CMTM5: variants seen among roughly 807,000 people sequenced by gnomAD.
The protein encoded by CMTM5 is CKLF like MARVEL transmembrane domain containing 5, also known as CKLF-like MARVEL transmembrane domain-containing protein 5.
A neutral mutation model predicts 26.9 loss-of-function variants in CMTM5; 25 were observed. The observed-to-expected ratio is 0.93, with a 90% CI of 0.68 to 1.30. CMTM5 has a LOEUF of 1.30. Ranked by LOEUF, CMTM5 falls within the 50% of genes most tolerant of loss-of-function variation. The pLI, the probability that CMTM5 is intolerant of heterozygous loss-of-function variation, is 0.00. For synonymous variants in CMTM5, 98 were observed against 115.5 expected (o/e 0.85, Z 0.97); for missense variants, 292 against 289.6 (o/e 1.01, Z -0.06).
In CMTM5 at chr14:23,379,618, G is replaced by C; in HGVS notation, c.*131G>C. The C allele has an allele frequency of 6.6e-7, 1 of 1,509,510 alleles. No individual in the cohort carries two copies. Among genetic ancestry groups the C allele is most frequent in the South Asian group, 1.2e-5 (1 of 81,408 alleles). 93.5% of individuals were successfully genotyped at this position (1,509,510 alleles called of 1,614,324 possible). On this transcript the variant is annotated 3_prime_UTR_variant, in exon 6 of 6. Transcript: ENST00000339180. The stretch of plus-strand genomic sequence containing the variant: ...AGCCCTACACAGCAGTCTGGCCTGA[G>C]ACGTCACTGGGGACTTATCTGTGGA...
At position 23,377,396 on chromosome 14, in the gene CMTM5, C is replaced by T; in HGVS notation, c.126+19C>T. The T allele has an allele frequency of 1.3e-6, 2 of 1,550,642 alleles. No individual in the cohort carries two copies. The highest frequency in any genetic ancestry group is 8.7e-7 in the Non-Finnish European group (1 of 1,147,268). ...CGAGCTGGTAACAGCTGCCTCCCAACCTGGTGCCTCCATCTCCCTGACCCC... is the reference window on the plus strand; with the variant it reads ...CGAGCTGGTAACAGCTGCCTCCCAATCTGGTGCCTCCATCTCCCTGACCCC... On this transcript the variant is annotated intron_variant, in intron 1 of 5. Transcript: ENST00000339180. This position sits in a 1 kb window ranked among gnomAD's most constrained non-coding sequence, Gnocchi z 4.6.
chr14:23,377,173 G>C lies in CMTM5; in HGVS notation c.-79G>C. On this transcript the variant is annotated 5_prime_UTR_variant, in exon 1 of 6. Transcript: ENST00000339180. This position sits in a 1 kb window ranked among gnomAD's most constrained non-coding sequence, Gnocchi z 4.6. ...TCGAAGTGCCTTCTTGCTCCTGTCT[G>C]TTTCCCCATCCTGCCAGATTTCTGT... is the stretch of plus-strand genomic sequence containing the variant. 1 of 1,571,028 alleles carries C rather than the reference G, an allele frequency of 6.4e-7. No homozygotes were observed. Among genetic ancestry groups the C allele is most frequent in the Non-Finnish European group, 8.6e-7 (1 of 1,158,696 alleles).
In CMTM5 at chr14:23,378,900, T is replaced by C; in HGVS notation, c.480+31T>C. ...CGCTCTGTCTCTTGAATGTGCTTCA[T>C]ATTGTGTGAGGGGTATCCTATGGAG... On this transcript the variant is annotated intron_variant, in intron 3 of 5. Coordinates refer to ENST00000339180, the MANE Select transcript of CMTM5 (RefSeq NM_001288746.2). This position sits in a 1 kb window ranked among gnomAD's most constrained non-coding sequence, Gnocchi z 4.2. The C allele has an allele frequency of 6.2e-7, 1 of 1,611,232 alleles. No homozygotes were observed. The highest frequency in any genetic ancestry group is 8.5e-7 in the Non-Finnish European group (1 of 1,178,322).
At position 23,377,233 on chromosome 14, in the gene CMTM5, G is replaced by T; in HGVS notation, c.-19G>T. On this transcript the variant is annotated 5_prime_UTR_variant, in exon 1 of 6. Transcript: ENST00000339180. The surrounding 1 kb of genome is among the most constrained non-coding windows in gnomAD (Gnocchi z 4.6). ...TGGGCTTTTGGCAGTAGGGGGCTGT[G>T]TTGGTGGGCCCTACGAAGATGCTCA... is the stretch of plus-strand genomic sequence containing the variant. 1 of 1,610,248 alleles carries T rather than the reference G, an allele frequency of 6.2e-7. No individual in the cohort carries two copies.
chr14:23,378,488 A>C lies in CMTM5; in HGVS notation c.266A>C (p.Asn89Thr), dbSNP rs145315360. The C allele has an allele frequency of 2.0e-5, 32 of 1,613,938 alleles. No individual in the cohort carries two copies. Among genetic ancestry groups the C allele is most frequent in the Non-Finnish European group, 1.7e-6 (2 of 1,180,006 alleles). The change falls in exon 2 of 6, where the codon AAC (asparagine) becomes ACC (threonine). Residue 89 changes from asparagine to threonine, a missense_variant. Transcript: ENST00000339180. This position sits in a 1 kb window ranked among gnomAD's most constrained non-coding sequence, Gnocchi z 4.2. ...TQYYQRFDRINWPCLLQGHGQ... is the reference protein window; with the variant it reads ...TQYYQRFDRITWPCLLQGHGQ... ...TACTACCAGCGCTTCGACCGAATTAACTGGCCCTGTCTGGTGAGGAACCCT... is the reference window on the plus strand; with the variant it reads ...TACTACCAGCGCTTCGACCGAATTACCTGGCCCTGTCTGGTGAGGAACCCT...
At chr14:23,379,258 C>A in intron 4 of CMTM5, 41 bp from the exon 5 acceptor site, 1 of 1,612,732 alleles carries the variant, frequency 6.2e-7, no homozygotes, top group Non-Finnish European at 8.5e-7. Flanking sequence ...CCCAATGGCC[C>A]TATAGCCTCT....
rs1467281134 is a variant in CMTM5 at position 23,379,462 on chromosome 14, C to G, written c.659-12C>G. 9.9e-6 allele frequency: 16 copies of G among 1,614,082 alleles called. No homozygotes were observed. The highest frequency in any genetic ancestry group is 8.9e-5 in the East Asian group (4 of 44,882). The stretch of plus-strand genomic sequence containing the variant: ...TCCTGATGTGGGTCCCTACCTGGCT[C>G]TATCCTCACAGGGGACCAGCAGTGA... On this transcript the variant is annotated splice_polypyrimidine_tract_variant and intron_variant, in intron 5 of 5. Coordinates refer to ENST00000339180, the MANE Select transcript of CMTM5 (RefSeq NM_001288746.2).
chr14:23,378,374 G>C lies in CMTM5; in HGVS notation c.152G>C (p.Cys51Ser). ...GCCCTGACCCTCATCATCTTCATCTGCTTCACGGCCTCCATCTCTGCCTAC... is the reference window on the plus strand; with the variant it reads ...GCCCTGACCCTCATCATCTTCATCTCCTTCACGGCCTCCATCTCTGCCTAC... ...ELALTLIIFI[C>S]FTASISAYMA... The change falls in exon 2 of 6, where the codon TGC becomes TCC. Residue 51 changes from cysteine (C) to serine (S), a missense_variant. Cys to Ser is a moderately radical substitution (Grantham distance 112, BLOSUM62 -1). Transcript: ENST00000339180. This position sits in a 1 kb window ranked among gnomAD's most constrained non-coding sequence, Gnocchi z 4.2. 6.2e-7 allele frequency: 1 copy of C among 1,614,058 alleles called. No individual in the cohort carries two copies. The highest frequency in any genetic ancestry group is 8.5e-7 in the Non-Finnish European group (1 of 1,179,988).
Position 23,377,505 on chromosome 14 carries a change from C to G in CMTM5, c.126+128C>G. On this transcript the variant is annotated intron_variant, in intron 1 of 5. Coordinates refer to ENST00000339180, the MANE Select transcript of CMTM5 (RefSeq NM_001288746.2). The surrounding 1 kb of genome is among the most constrained non-coding windows in gnomAD (Gnocchi z 4.6). ...AAGCCCTCTGGACACCTCTCCTGCC[C>G]GCAGCTGCCCCTTCTTCGTCTCCTA... 9.7e-7 allele frequency: 1 copy of G among 1,035,410 alleles called. No homozygotes were observed. 64.1% of individuals were successfully genotyped at this position (1,035,410 alleles called of 1,614,324 possible).
chr14:23,378,302 C>T lies in CMTM5; in HGVS notation c.127-47C>T. 3.7e-6 allele frequency: 6 copies of T among 1,605,590 alleles called. No individual in the cohort carries two copies. The South Asian group carries it at 6.7e-5, about 18-fold the overall frequency. ...GGAGGGGAAGGCAAAGCCCTGGCCCCTGCCTGTGTCCCCTTCTTGGCATGT... is the reference window on the plus strand; with the variant it reads ...GGAGGGGAAGGCAAAGCCCTGGCCCTTGCCTGTGTCCCCTTCTTGGCATGT... On this transcript the variant is annotated intron_variant, in intron 1 of 5. Transcript: ENST00000339180. The surrounding 1 kb of genome is among the most constrained non-coding windows in gnomAD (Gnocchi z 4.2).
At position 23,379,521 on chromosome 14, in the gene CMTM5, C is replaced by T. The variant is rs1890775357; in HGVS notation, c.*34C>T. 6.2e-7 allele frequency: 1 copy of T among 1,612,438 alleles called. No individual in the cohort carries two copies. Among genetic ancestry groups the T allele is most frequent in the African/African-American group, 1.3e-5 (1 of 74,982 alleles). ...CTACCTGGCTCCTAGGCCCAGCCAG[C>T]CAGAGAGGACAGTGGAGCCCAGACA... is the stretch of plus-strand genomic sequence containing the variant. On this transcript the variant is annotated 3_prime_UTR_variant, in exon 6 of 6. Coordinates refer to ENST00000339180, the MANE Select transcript of CMTM5 (RefSeq NM_001288746.2).
rs770228425 is a variant in CMTM5, at chr14:23,378,640, G to T, written c.280-29G>T. On this transcript the variant is annotated intron_variant, in intron 2 of 5. Coordinates refer to ENST00000339180, the MANE Select transcript of CMTM5 (RefSeq NM_001288746.2). The surrounding 1 kb of genome is among the most constrained non-coding windows in gnomAD (Gnocchi z 4.2). Reference sequence around the variant, plus strand: ...CCCATGCTATGCCCTGCACTCAAAGGTGTGCTTTGACTCACACTGATTTCA... The same window carrying T: ...CCCATGCTATGCCCTGCACTCAAAGTTGTGCTTTGACTCACACTGATTTCA... 2 of 1,610,558 alleles carry T rather than the reference G, an allele frequency of 1.2e-6. No homozygotes were observed. Among genetic ancestry groups the T allele is most frequent in the Non-Finnish European group, 1.7e-6 (2 of 1,177,184 alleles).
At position 23,377,565 on chromosome 14, in the gene CMTM5, T is replaced by TTTACAGCAGGTTTCAG; in HGVS notation, c.126+191_126+206dup. 4 of 580,476 alleles carry TTTACAGCAGGTTTCAG rather than the reference T, an allele frequency of 6.9e-6. No homozygotes were observed. The highest frequency in any genetic ancestry group is 1.1e-5 in the Non-Finnish European group (4 of 357,654). 36.0% of individuals were successfully genotyped at this position (580,476 alleles called of 1,614,324 possible). A position where few individuals can be genotyped will look rare whatever the true frequency, so the allele number is the denominator to read the frequency against. ...CTTGCTGCCTCTCCACCCGGAGACA[T>TTTACAGCAGGTTTCAG]TTACAGCAGGTTTCAGTTGCAGCAG... On this transcript the variant is annotated intron_variant, in intron 1 of 5. Transcript: ENST00000339180. The surrounding 1 kb of genome is among the most constrained non-coding windows in gnomAD (Gnocchi z 4.6).
Position 23,377,730 on chromosome 14 carries a change from C to T in CMTM5, c.126+353C>T, listed in dbSNP as rs1228555500. On this transcript the variant is annotated intron_variant, in intron 1 of 5. Coordinates refer to ENST00000339180, the MANE Select transcript of CMTM5 (RefSeq NM_001288746.2). The surrounding 1 kb of genome is among the most constrained non-coding windows in gnomAD (Gnocchi z 4.6). ...AAGTCTAACTATCAAAAAGGGCAGA[C>T]TTCCTGCAACTGCACTTTATCTGTG... is the stretch of plus-strand genomic sequence containing the variant. The T allele has an allele frequency of 1.3e-5, 3 of 233,464 alleles. No individual in the cohort carries two copies. The highest frequency in any genetic ancestry group is 9.3e-5 in the East Asian group (1 of 10,800). 14.5% of individuals were successfully genotyped at this position (233,464 alleles called of 1,614,324 possible). A position where few individuals can be genotyped will look rare whatever the true frequency, so the allele number is the denominator to read the frequency against.
In CMTM5 at chr14:23,378,312, C is replaced by G; in HGVS notation, c.127-37C>G. The G allele has an allele frequency of 1.9e-6, 3 of 1,610,702 alleles. No individual in the cohort carries two copies. In the South Asian group the frequency reaches 3.3e-5, roughly 18 times the overall value. On this transcript the variant is annotated intron_variant, in intron 1 of 5. Transcript: ENST00000339180. The surrounding 1 kb of genome is among the most constrained non-coding windows in gnomAD (Gnocchi z 4.2). ...GCAAAGCCCTGGCCCCTGCCTGTGTCCCCTTCTTGGCATGTTCCACATGCT... is the reference window on the plus strand; with the variant it reads ...GCAAAGCCCTGGCCCCTGCCTGTGTGCCCTTCTTGGCATGTTCCACATGCT...
Position 23,377,244 on chromosome 14 carries a change from C to T in CMTM5, c.-8C>T, listed in dbSNP as rs530717079. On this transcript the variant is annotated 5_prime_UTR_variant, in exon 1 of 6. Coordinates refer to ENST00000339180, the MANE Select transcript of CMTM5 (RefSeq NM_001288746.2). This position sits in a 1 kb window ranked among gnomAD's most constrained non-coding sequence, Gnocchi z 4.6. ...CAGTAGGGGGCTGTGTTGGTGGGCCCTACGAAGATGCTCAGTGCTCGAGAT... is the reference window on the plus strand; with the variant it reads ...CAGTAGGGGGCTGTGTTGGTGGGCCTTACGAAGATGCTCAGTGCTCGAGAT... 33 of 1,611,504 alleles carry T rather than the reference C, an allele frequency of 2.0e-5. No individual in the cohort carries two copies. In the South Asian group the frequency reaches 3.3e-4, roughly 16 times the overall value.
rs559772511 is a variant in CMTM5, at chr14:23,378,116, G to C, written c.127-233G>C. The C allele has an allele frequency of 1.7e-6, 1 of 581,916 alleles. No homozygotes were observed. The highest frequency in any genetic ancestry group is 1.9e-5 in the African/African-American group (1 of 53,476). The allele number at this position is 581,916 out of a possible 1,614,324, so 36.0% of individuals were successfully genotyped here. Reference sequence around the variant, plus strand: ...GGGAGCCATATGGCTTGGCCAGACTGCTGGGGTTGCTGGGTGAGCAGAGTG... The same window carrying C: ...GGGAGCCATATGGCTTGGCCAGACTCCTGGGGTTGCTGGGTGAGCAGAGTG... On this transcript the variant is annotated intron_variant, in intron 1 of 5. Coordinates refer to ENST00000339180, the MANE Select transcript of CMTM5 (RefSeq NM_001288746.2). The surrounding 1 kb of genome is among the most constrained non-coding windows in gnomAD (Gnocchi z 4.2).
chr14:23,379,683 C>T lies in CMTM5; in HGVS notation c.*196C>T. 2 of 1,388,142 alleles carry T rather than the reference C, an allele frequency of 1.4e-6. No homozygotes were observed. The highest frequency in any genetic ancestry group is 1.9e-6 in the Non-Finnish European group (2 of 1,053,270). 86.0% of individuals were successfully genotyped at this position (1,388,142 alleles called of 1,614,324 possible). A position where few individuals can be genotyped will look rare whatever the true frequency, so the allele number is the denominator to read the frequency against. On this transcript the variant is annotated 3_prime_UTR_variant, in exon 6 of 6. Transcript: ENST00000339180. The stretch of plus-strand genomic sequence containing the variant: ...GATGTGGCTTCTCATGAAGCTCTGG[C>T]CAGAGGAGGGGAACTTATTGGGGGA...
In CMTM5 at chr14:23,379,596, C is replaced by A; in HGVS notation, c.*109C>A. The stretch of plus-strand genomic sequence containing the variant: ...CCAGCCCGCCAAACCCCACCCCAGC[C>A]CTACACAGCAGTCTGGCCTGAGACG... On this transcript the variant is annotated 3_prime_UTR_variant, in exon 6 of 6. Transcript: ENST00000339180. 6 of 1,554,956 alleles carry A rather than the reference C, an allele frequency of 3.9e-6. No homozygotes were observed. Among genetic ancestry groups the A allele is most frequent in the South Asian group, 3.5e-5 (3 of 85,692 alleles).
Sources: gnomAD v4.1 joint callset for allele counts on GRCh38, gnomAD v4.1.1 for gene constraint, Gnocchi (gnomAD v3.1) non-coding constraint, MANE v1.5 for transcripts, NCBI Gene and HGNC (gene_info 2026-07-23, HGNC 2026-07-21) for gene names.